REDIC1: variants seen among roughly 807,000 people sequenced by gnomAD.
The protein encoded by REDIC1 is HEI10 Interacting Protein 1.
the REDIC1 span, among the ~76,000 whole-genome samples, chr12:39,899,716 T>A: frequency 6.6e-6 from 1 of 152,178 alleles, no homozygotes; most frequent in Admixed American, 6.6e-5. Flanking sequence ...ACATCTTTAT[T>A]TCTGCCTTCA....
At chr12:39,870,042 A>G in the REDIC1 span, among the ~76,000 whole-genome samples, 2 of 152,222 alleles carry the variant, frequency 1.3e-5, no homozygotes, top group African/African-American at 4.8e-5. Context: ...CTCTGTATCA[A>G]TAAGGGCTCA....
the REDIC1 span, chr12:39,756,182 A>G: frequency 6.6e-6 from 1 of 151,948 alleles, no homozygotes; most frequent in African/African-American, 2.4e-5. Flanking sequence ...CCACAGAACA[A>G]TTCTGAGCCT....
At chr12:39,711,631 G>GCA in the REDIC1 span, among the ~76,000 whole-genome samples, 109 of 47,062 alleles carry the variant, frequency 2.3e-3, no homozygotes, top group African/African-American at 3.9e-3. Flanking sequence ...ATACACGTAT[G>GCA]TGTATATGTG....
At chr12:39,691,828 A>G in the REDIC1 span, among the ~76,000 whole-genome samples, 1 of 152,048 alleles carries the variant, frequency 6.6e-6, no homozygotes, top group Non-Finnish European at 1.5e-5. Context: ...ATTTCTTGGC[A>G]AGTGTCTATT....
the REDIC1 span, among the ~76,000 whole-genome samples, chr12:39,706,675 C>T: frequency 6.6e-6 from 1 of 151,920 alleles, no homozygotes; most frequent in Non-Finnish European, 1.5e-5. Flanking sequence ...ACCAATGGAA[C>T]AGAATAGAGA....
the REDIC1 span, among the ~76,000 whole-genome samples, chr12:39,638,960 A>G: frequency 6.6e-6 from 1 of 151,998 alleles, no homozygotes; most frequent in Non-Finnish European, 1.5e-5. Flanking sequence ...TGATTTCTTA[A>G]TTTTACTGAG....
the REDIC1 span, among the ~76,000 whole-genome samples, chr12:39,652,285 G>A: frequency 6.6e-6 from 1 of 151,858 alleles, no homozygotes; most frequent in South Asian, 2.1e-4. Context: ...CATTTGTTAG[G>A]TGTATGTTTA....
At chr12:39,673,222 G>A in the REDIC1 span, among the ~76,000 whole-genome samples, 1 of 152,090 alleles carries the variant, frequency 6.6e-6, no homozygotes, top group Non-Finnish European at 1.5e-5. Context: ...TCTTTGAAGT[G>A]TAACTATCTA....
the REDIC1 span, among the ~76,000 whole-genome samples, chr12:39,890,998 A>C: frequency 6.6e-6 from 1 of 152,092 alleles, no homozygotes; most frequent in South Asian, 2.1e-4. Context: ...GAATAATTTT[A>C]TTTCTTCATA....
chr12:39,907,006 T>C, the REDIC1 span, among the ~76,000 whole-genome samples: 1 of 152,152 alleles, frequency 6.6e-6, no homozygotes, highest in African/African-American at 2.4e-5. Context: ...CCAGTGTATA[T>C]AGTGAGTTAT....
chr12:39,787,309 T>C, the REDIC1 span, among the ~76,000 whole-genome samples: 1 of 152,224 alleles, frequency 6.6e-6, no homozygotes, highest in South Asian at 2.1e-4. Context: ...GAAATGAAAT[T>C]AGTATTAAAA....
the REDIC1 span, among the ~76,000 whole-genome samples, chr12:39,872,961 C>G: frequency 2.6e-5 from 4 of 152,278 alleles, no homozygotes; most frequent in South Asian, 8.3e-4. Flanking sequence ...AGTTAAAAAT[C>G]TACAGTTTGT....
At chr12:39,842,437 T>C in the REDIC1 span, among the ~76,000 whole-genome samples, 199 of 152,160 alleles carry the variant, frequency 1.3e-3, 2 homozygotes, top group African/African-American at 4.4e-3. Flanking sequence ...TGTAAAGTTA[T>C]GCCATTGAGA....
the REDIC1 span, among the ~76,000 whole-genome samples, chr12:39,716,521 A>G: frequency 6.6e-6 from 1 of 152,046 alleles, no homozygotes; most frequent in Admixed American, 6.6e-5. Flanking sequence ...CACTTACGTT[A>G]TATACCCTTA....
the REDIC1 span, among the ~76,000 whole-genome samples, chr12:39,808,448 T>C: frequency 1.4e-4 from 22 of 152,300 alleles, no homozygotes; most frequent in East Asian, 2.5e-3. Flanking sequence ...TTTATTTCAT[T>C]TGACTAAATG....
chr12:39,858,448 G>GA, the REDIC1 span, among the ~76,000 whole-genome samples: 16 of 150,056 alleles, frequency 1.1e-4, no homozygotes, highest in Admixed American at 3.3e-4. Flanking sequence ...AAATTAGTAA[G>GA]AAAAAAAAAT....
the REDIC1 span, among the ~76,000 whole-genome samples, chr12:39,630,055 G>T: frequency 6.6e-6 from 1 of 151,938 alleles, no homozygotes; most frequent in East Asian, 1.9e-4. Flanking sequence ...TTGCTGGAAG[G>T]CACCACGGAG....
the REDIC1 span, among the ~76,000 whole-genome samples, chr12:39,783,462 G>T: frequency 2.6e-5 from 4 of 152,152 alleles, no homozygotes; most frequent in Admixed American, 6.5e-5. Context: ...TTCCACAATG[G>T]TTGAACTAGT....
At chr12:39,864,688 C>G in the REDIC1 span, 1 of 1,576,544 alleles carries the variant, frequency 6.3e-7, no homozygotes, top group Non-Finnish European at 8.6e-7. Flanking sequence ...ATCTCTACAA[C>G]TTTAAAAAAG....
Sources: gnomAD v4.1 joint callset for allele counts (sites outside exome capture counted in the v4.1 genomes callset) on GRCh38, gnomAD v4.1.1 for gene constraint, MANE v1.5 for transcripts, NCBI Gene and HGNC (gene_info 2026-07-23, HGNC 2026-07-21) for gene names.